Variants in ARHGAP22 observed in about 807,000 individuals in gnomAD.
ARHGAP22 encodes Rho GTPase activating protein 22.
ARHGAP22 carries 48 observed loss-of-function variants against 59.1 expected under a neutral mutation model. The observed-to-expected ratio is 0.81, with a 90% CI of 0.64 to 1.03. The LOEUF (loss-of-function observed/expected upper bound fraction) is 1.03. Ranked by LOEUF, ARHGAP22 falls within the 50% of genes least tolerant of loss-of-function variation. ARHGAP22 has a pLI of 0.00. For missense variants in ARHGAP22, 1,015 were observed against 958.7 expected, an observed-to-expected ratio of 1.06 and a Z score of -0.78; for synonymous variants, 445 against 416.4, an observed-to-expected ratio of 1.07 and a Z score of -0.84.
intron 2 of ARHGAP22, chr10:48,575,717 A>C (rs1275857100): frequency 3.9e-5 from 6 of 152,248 alleles, no homozygotes; most frequent in Non-Finnish European, 8.8e-5. Context: ...TGATTTTTAA[A>C]TTGCCTCTTC....
At chr10:48,555,624 G>T (rs967023468) in intron 2 of ARHGAP22, 74 bp from the exon 3 acceptor site, 38 of 1,488,656 alleles carry the variant, frequency 2.6e-5, no homozygotes, top group Non-Finnish European at 3.5e-5. Context: ...AGGGTCCCTG[G>T]AGAGGAGAGG....
chr10:48,612,695 C>T (rs2060940580), intron 1 of ARHGAP22, among the ~76,000 whole-genome samples: 1 of 152,230 alleles, frequency 6.6e-6, no homozygotes. Flanking sequence ...TCTTTTCTGG[C>T]TTTAGCTGAT....
At chr10:48,491,696 T>C (rs577718958) in intron 3 of ARHGAP22, among the ~76,000 whole-genome samples, 82 of 152,378 alleles carry the variant, frequency 5.4e-4, no homozygotes, top group Non-Finnish European at 1.0e-3. Context: ...AACCCTCGCG[T>C]AAGGCGGGCA....
chr10:48,455,082 G>T lies in ARHGAP22; in HGVS notation c.712C>A (p.Leu238Ile). Residue 238 changes from leucine to isoleucine, a missense_variant, in exon 6 of 10, where the codon CTC (leucine) becomes ATC (isoleucine). Coordinates refer to ENST00000249601, the MANE Select transcript of ARHGAP22 (RefSeq NM_021226.4). ...GCGAAGGGGACCACGGGCTCGGGGA[G>T]CTCCCGCAGGTACAGCTTCAGCAGG... ...ASLLKLYLRE[L>I]PEPVVPFARY... 3 of 1,612,294 alleles carry T rather than the reference G, an allele frequency of 1.9e-6. No individual in the cohort carries two copies. Among genetic ancestry groups the T allele is most frequent in the South Asian group, 2.2e-5 (2 of 90,952 alleles).
intron 3 of ARHGAP22, among the ~76,000 whole-genome samples, chr10:48,490,845 G>A (rs570578671): frequency 1.1e-3 from 161 of 152,274 alleles, no homozygotes; most frequent in African/African-American, 3.7e-3. Context: ...CTGCTCTCAG[G>A]TGAGGGCAAC....
intron 1 of ARHGAP22, among the ~76,000 whole-genome samples, chr10:48,610,969 AC>A (rs1564996608): frequency 1.3e-5 from 2 of 152,180 alleles, no homozygotes; most frequent in African/African-American, 2.4e-5. Context: ...TGCCTACCAC[AC>A]TTGGGCTTTA....
At chr10:48,642,894 A>G (rs2062112686) in intron 1 of ARHGAP22, among the ~76,000 whole-genome samples, 1 of 152,256 alleles carries the variant, frequency 6.6e-6, no homozygotes, top group Non-Finnish European at 1.5e-5. Context: ...ACTTACAAGA[A>G]AAAAACAAAC....
intron 1 of ARHGAP22, among the ~76,000 whole-genome samples, chr10:48,621,748 T>G (rs1174826820): frequency 6.6e-6 from 1 of 152,250 alleles, no homozygotes; most frequent in African/African-American, 2.4e-5. Context: ...ATTGAGATAC[T>G]GAAATTTCCA....
chr10:48,473,450 C>T (rs143981256), intron 4 of ARHGAP22, among the ~76,000 whole-genome samples: 11 of 151,724 alleles, frequency 7.3e-5, no homozygotes, highest in African/African-American at 2.7e-4. Context: ...ACACTGTACA[C>T]TGCTTTCTTC....
At chr10:48,486,377 A>T (rs1008173471) in intron 3 of ARHGAP22, among the ~76,000 whole-genome samples, 2 of 151,758 alleles carry the variant, frequency 1.3e-5, no homozygotes, top group Non-Finnish European at 2.9e-5. Context: ...TTGCTCTGTC[A>T]CCCAGGCTGG....
At chr10:48,567,063 G>A (rs2058089287) in intron 2 of ARHGAP22, among the ~76,000 whole-genome samples, 1 of 152,200 alleles carries the variant, frequency 6.6e-6, no homozygotes, top group Admixed American at 6.5e-5. Flanking sequence ...GCCCTTTTCA[G>A]GGTGAGTGGG....
At chr10:48,490,010 G>C (rs1216640135) in intron 3 of ARHGAP22, among the ~76,000 whole-genome samples, 3 of 152,182 alleles carry the variant, frequency 2.0e-5, no homozygotes, top group African/African-American at 7.2e-5. Flanking sequence ...TGGGATTACA[G>C]GTGTAAGCCA....
chr10:48,568,223 C>T (rs1291195068), intron 2 of ARHGAP22, among the ~76,000 whole-genome samples: 2 of 152,164 alleles, frequency 1.3e-5, no homozygotes, highest in African/African-American at 4.8e-5. Context: ...CACTTCCTGC[C>T]TCACTTTTTG....
At chr10:48,587,535 C>T (rs1021257766) in intron 1 of ARHGAP22, among the ~76,000 whole-genome samples, 6 of 130,170 alleles carry the variant, frequency 4.6e-5, no homozygotes, top group African/African-American at 1.5e-4. Flanking sequence ...ATGTTGTTTC[C>T]CCTGGCAGTG....
intron 1 of ARHGAP22, among the ~76,000 whole-genome samples, chr10:48,594,920 G>C (rs188323953): frequency 2.1e-5 from 3 of 145,158 alleles, no homozygotes; most frequent in Non-Finnish European, 4.5e-5. Flanking sequence ...TGAGGGTCTC[G>C]TTAATAGATT....
At chr10:48,433,617 C>G in the ARHGAP22 span, among the ~76,000 whole-genome samples, 1 of 152,184 alleles carries the variant, frequency 6.6e-6, no homozygotes, top group Non-Finnish European at 1.5e-5. Context: ...CATGCTTTGT[C>G]TCTTGTGGTT....
At chr10:48,541,848 C>A (rs1004894113) in intron 3 of ARHGAP22, among the ~76,000 whole-genome samples, 4 of 152,228 alleles carry the variant, frequency 2.6e-5, no homozygotes, top group African/African-American at 9.7e-5. Flanking sequence ...GATGAAGGTG[C>A]AGGCCACCCT....
At chr10:48,650,256 A>C (rs1042547662) in intron 1 of ARHGAP22, among the ~76,000 whole-genome samples, 1 of 149,840 alleles carries the variant, frequency 6.7e-6, no homozygotes, top group Non-Finnish European at 1.5e-5. Context: ...AAATTAATCC[A>C]GTCTCAAAAG....
intron 4 of ARHGAP22, among the ~76,000 whole-genome samples, chr10:48,478,202 C>T (rs887011676): frequency 6.6e-6 from 1 of 152,198 alleles, no homozygotes; most frequent in African/African-American, 2.4e-5. Context: ...TGCAGAAATC[C>T]CTGGGTGGGC....
Sources: allele counts gnomAD v4.1 joint callset (sites outside exome capture counted in the v4.1 genomes callset), GRCh38; gene constraint gnomAD v4.1.1; transcripts MANE v1.5; gene names NCBI Gene and HGNC (gene_info 2026-07-23, HGNC 2026-07-21).